The following THRB variants were observed in gnomAD, a reference collection of about 807,000 sequenced individuals.
THRB encodes the protein thyroid hormone receptor beta, also known as nuclear receptor subfamily 1 group A member 2.
In THRB, 12 loss-of-function variants were observed where a neutral mutation model predicts 47.8. The ratio of observed to expected loss-of-function variants is 0.25; its 90% CI spans 0.16 to 0.41. The LOEUF (loss-of-function observed/expected upper bound fraction) is 0.41. THRB is among the 10% of genes least tolerant of loss of function. The pLI is 1.00. For missense variants in THRB, 348 were observed against 589.2 expected (o/e 0.59, Z 4.24); for synonymous variants, 218 against 212.2 (o/e 1.03, Z -0.24).
At chr3:24,240,149 C>T (rs1231345482) in intron 3 of THRB, among the ~76,000 whole-genome samples, 2 of 152,150 alleles carry the variant, frequency 1.3e-5, no homozygotes, top group Non-Finnish European at 2.9e-5. Context: ...TATCTCCTTT[C>T]ACCCCTCACT....
At chr3:24,168,066 T>C (rs1194313124) in intron 5 of THRB, among the ~76,000 whole-genome samples, 1 of 152,176 alleles carries the variant, frequency 6.6e-6, no homozygotes, top group African/African-American at 2.4e-5. Context: ...AGAGCTCACT[T>C]CCTCACGAAT....
chr3:24,134,294 A>G (rs1445104486), intron 8 of THRB, among the ~76,000 whole-genome samples: 1 of 151,910 alleles, frequency 6.6e-6, no homozygotes, highest in Non-Finnish European at 1.5e-5. Flanking sequence ...CTGACTCCTG[A>G]GTTTCTCATT....
intron 3 of THRB, among the ~76,000 whole-genome samples, chr3:24,273,142 A>C (rs1231558015): frequency 6.6e-6 from 1 of 152,106 alleles, no homozygotes. Flanking sequence ...ACACACACAC[A>C]CACACCCACA....
intron 1 of THRB, among the ~76,000 whole-genome samples, chr3:24,400,116 C>T (rs1053074699): frequency 6.6e-6 from 1 of 152,048 alleles, no homozygotes; most frequent in Non-Finnish European, 1.5e-5. Flanking sequence ...AGTTAATGAC[C>T]ATAGGCCAAG....
chr3:24,141,676 T>G (rs2035468077), intron 8 of THRB, among the ~76,000 whole-genome samples: 1 of 152,232 alleles, frequency 6.6e-6, no homozygotes, highest in Admixed American at 6.5e-5. Flanking sequence ...CTTAAACAAG[T>G]TTAGTTGGAC....
intron 8 of THRB, among the ~76,000 whole-genome samples, chr3:24,134,595 G>A (rs1406942565): frequency 1.3e-5 from 2 of 151,316 alleles, no homozygotes; most frequent in Non-Finnish European, 3.0e-5. Context: ...CAGTCTCCCC[G>A]GAGCTCCACA....
intron 1 of THRB, among the ~76,000 whole-genome samples, chr3:24,415,429 T>A (rs1415094986): frequency 2.6e-5 from 4 of 151,886 alleles, no homozygotes; most frequent in Non-Finnish European, 5.9e-5. Flanking sequence ...AAGGAATCTA[T>A]CCCCTTTTGA....
chr3:24,143,875 T>C lies in THRB; in HGVS notation c.533-169A>G, dbSNP rs567369250. ...TTCTCTCCTCACCAGCAAACTGCCA[T>C]TGACTAGTCTTGTCCAACATGGTCT... On this transcript the variant is annotated intron_variant, in intron 7 of 10. Transcript: ENST00000646209. The C allele has an allele frequency of 3.0e-5, 20 of 673,658 alleles. No homozygotes were observed. The East Asian group carries it at 4.9e-4, about 16-fold the overall frequency. The allele number at this position is 673,658 out of a possible 1,614,324, so 41.7% of individuals were successfully genotyped here.
intron 1 of THRB, among the ~76,000 whole-genome samples, chr3:24,382,077 T>C (rs1324586458): frequency 6.6e-6 from 1 of 151,518 alleles, no homozygotes; most frequent in East Asian, 1.9e-4. Context: ...CAGAAAAATA[T>C]CCACTTTGAA....
At position 24,206,356 on chromosome 3, in the gene THRB, A is replaced by G. The variant is rs566720222; in HGVS notation, c.23-16022T>C. Reference sequence around the variant, plus strand: ...CTCAGGATTAAGAAACTCACTCAAAACCGCTCAACTACATGGAAACTGAAC... The same window carrying G: ...CTCAGGATTAAGAAACTCACTCAAAGCCGCTCAACTACATGGAAACTGAAC... On this transcript the variant is annotated intron_variant, in intron 4 of 10. Transcript: ENST00000646209. 2.0e-4 allele frequency among the ~76,000 whole-genome samples: 30 copies of G among 152,298 alleles called. No individual in the cohort carries two copies. The South Asian group carries it at 3.5e-3, about 18-fold the overall frequency.
At chr3:24,478,536 A>T (rs148152483) in intron 1 of THRB, among the ~76,000 whole-genome samples, 2 of 152,336 alleles carry the variant, frequency 1.3e-5, no homozygotes, top group African/African-American at 4.8e-5. Flanking sequence ...TCCAAATTAC[A>T]ATTGTTTACA....
At chr3:24,353,973 T>C (rs2063514901) in intron 1 of THRB, among the ~76,000 whole-genome samples, 2 of 152,172 alleles carry the variant, frequency 1.3e-5, no homozygotes, top group Admixed American at 6.6e-5. Flanking sequence ...TAAATGCTTC[T>C]ATTAAGAATT....
At chr3:24,183,928 T>C (rs1218331948) in intron 5 of THRB, among the ~76,000 whole-genome samples, 2 of 152,226 alleles carry the variant, frequency 1.3e-5, no homozygotes, top group Non-Finnish European at 2.9e-5. Context: ...CATTAATATT[T>C]ATTAATACGT....
At chr3:24,213,027 G>A (rs540603984) in intron 4 of THRB, among the ~76,000 whole-genome samples, 3 of 152,278 alleles carry the variant, frequency 2.0e-5, no homozygotes, top group Non-Finnish European at 2.9e-5. Flanking sequence ...CTGGCGATAC[G>A]GTATGACATG....
chr3:24,152,292 T>G, intron 6 of THRB, 98 bp downstream of exon 6: 1 of 716,470 alleles, frequency 1.4e-6, no homozygotes, highest in South Asian at 1.6e-5. Context: ...AGAATTTGAT[T>G]TTAATTTGAA....
rs571204060 is a variant in THRB, at chr3:24,321,590, A to G, written c.-189+15710T>C. Among the ~76,000 whole-genome samples, 47 of 152,232 alleles carry G rather than the reference A, an allele frequency of 3.1e-4. No individual in the cohort carries two copies. In the South Asian group the frequency reaches 7.5e-3, roughly 24 times the overall value. On this transcript the variant is annotated intron_variant, in intron 2 of 10. Transcript: ENST00000646209. ...GTCTAAGACGGGCTTCTAAGGTTTC[A>G]TAAATTCCTTGAAAATTTATGGGGG...
At chr3:24,417,533 T>A (rs1407837486) in intron 1 of THRB, among the ~76,000 whole-genome samples, 1 of 151,896 alleles carries the variant, frequency 6.6e-6, no homozygotes, top group African/African-American at 2.4e-5. Context: ...GGAATGTGCC[T>A]TCTCTAATGA....
At chr3:24,483,499 T>TAAA (rs34571938) in intron 1 of THRB, among the ~76,000 whole-genome samples, 1 of 144,620 alleles carries the variant, frequency 6.9e-6, no homozygotes, top group Admixed American at 6.9e-5. Context: ...TAGTTCTCTT[T>TAAA]AAAAAAAAAA....
At chr3:24,412,802 C>T (rs1362436676) in intron 1 of THRB, among the ~76,000 whole-genome samples, 1 of 151,714 alleles carries the variant, frequency 6.6e-6, no homozygotes, top group African/African-American at 2.4e-5. Flanking sequence ...ATTTAAAGTT[C>T]ATACAAGATT....
Sources: allele counts gnomAD v4.1 joint callset (sites outside exome capture counted in the v4.1 genomes callset), GRCh38; gene constraint gnomAD v4.1.1; transcripts MANE v1.5; gene names NCBI Gene and HGNC (gene_info 2026-07-23, HGNC 2026-07-21).